OR1L6: variants seen among roughly 807,000 people sequenced by gnomAD.
OR1L6 encodes the protein olfactory receptor family 1 subfamily L member 6.
Under a neutral mutation model 3.0 loss-of-function variants are expected in OR1L6, and 2 were observed. The observed-to-expected ratio is 0.68, with a 90% CI of 0.28 to 2.13. The LOEUF is 2.13. Among genes scored for constraint, OR1L6 ranks in the 30% most tolerant of loss-of-function variants. OR1L6 has a pLI of 0.14. For synonymous variants in OR1L6, 121 were observed against 148.4 expected, an observed-to-expected ratio of 0.82 and a Z score of 1.34; for missense variants, 304 against 378.4, an observed-to-expected ratio of 0.80 and a Z score of 1.63.
chr9:122,750,318 C>T lies in OR1L6; in HGVS notation c.471C>T (p.Ser157=), dbSNP rs1482466909. The T allele has an allele frequency of 1.2e-6, 2 of 1,613,794 alleles. No homozygotes were observed. Among genetic ancestry groups the T allele is most frequent in the South Asian group, 1.1e-5 (1 of 91,064 alleles). ...LGSCSISHLH[S]LFRVLLMSRL... Reference sequence around the variant, plus strand: ...CTTGCAGCATCTCCCACCTACATTCCCTGTTCCGCGTGCTACTTATGTCTC... The same window carrying T: ...CTTGCAGCATCTCCCACCTACATTCTCTGTTCCGCGTGCTACTTATGTCTC... The change falls in exon 2 of 2, where the codon TCC becomes TCT. Residue 157 remains serine, a synonymous_variant. Transcript: ENST00000304720.
chr9:122,750,726 G>T lies in OR1L6; in HGVS notation c.879G>T (p.Leu293=), dbSNP rs765804552. 8 of 1,612,586 alleles carry T rather than the reference G, an allele frequency of 5.0e-6. No homozygotes were observed. The African/African-American group carries it at 9.3e-5, about 19-fold the overall frequency. Residue 293 remains leucine, a synonymous_variant, in exon 2 of 2, where the codon CTG becomes CTT. Coordinates refer to ENST00000304720, the MANE Select transcript of OR1L6 (RefSeq NM_001004453.3). ...TPMLNPFIYS[L]RNKDMKRGLK... is the part of the protein sequence containing the mutation. ...TGCTGAACCCTTTCATCTACAGCCTGAGGAACAAAGATATGAAGAGGGGTT... is the reference window on the plus strand; with the variant it reads ...TGCTGAACCCTTTCATCTACAGCCTTAGGAACAAAGATATGAAGAGGGGTT...
rs139318546 is a variant in OR1L6 at position 122,749,855 on chromosome 9, T to C, written c.8T>C (p.Ile3Thr). 2.4e-5 allele frequency: 38 copies of C among 1,614,198 alleles called. No individual in the cohort carries two copies. Among genetic ancestry groups the C allele is most frequent in the South Asian group, 1.1e-4 (10 of 91,084 alleles). The part of the protein sequence containing the change: ME[I>T]KNYSSSTSGF... ...TCCAGGAAGTCCAGAGACATGGAGA[T>C]AAAGAACTACAGCAGCAGCACCTCA... Residue 3 changes from isoleucine (I) to threonine (T), a missense_variant, in exon 2 of 2, where the codon ATA (isoleucine) becomes ACA (threonine). Ile to Thr is a moderately conservative substitution (Grantham distance 89). Around this residue, in one of 3 missense-constraint regions of OR1L6, gnomAD observed 192 missense variants for 242.7 expected, o/e 0.79. Coordinates refer to ENST00000304720, the MANE Select transcript of OR1L6 (RefSeq NM_001004453.3).
chr9:122,750,192 G>A lies in OR1L6; in HGVS notation c.345G>A (p.Leu115=). Residue 115 remains leucine (L), a synonymous_variant, in exon 2 of 2, where the codon CTG becomes CTA. Coordinates refer to ENST00000304720, the MANE Select transcript of OR1L6 (RefSeq NM_001004453.3). ...CATTTGGGAACACTGACAGCTACCT[G>A]CTGGCCTCTATGGCCATCGACCGGC... ...FMAFGNTDSY[L]LASMAIDRLV... is the part of the protein sequence containing the mutation. 6.2e-7 allele frequency: 1 copy of A among 1,613,990 alleles called. No homozygotes were observed. The highest frequency in any genetic ancestry group is 8.5e-7 in the Non-Finnish European group (1 of 1,179,934).
intron 1 of OR1L6, among the ~76,000 whole-genome samples, chr9:122,745,811 T>G (rs2118907997): frequency 6.6e-6 from 1 of 152,304 alleles, no homozygotes; most frequent in African/African-American, 2.4e-5. Context: ...TTAAGGACTC[T>G]TTCCACACCA....
chr9:122,742,859 G>T (rs577261903), intron 1 of OR1L6, among the ~76,000 whole-genome samples: 1 of 152,206 alleles, frequency 6.6e-6, no homozygotes, highest in African/African-American at 2.4e-5. Flanking sequence ...ATAACAGAAA[G>T]GCAAACTTCC....
chr9:122,748,167 C>T (rs990881855), intron 1 of OR1L6, among the ~76,000 whole-genome samples: 5 of 152,108 alleles, frequency 3.3e-5, no homozygotes, highest in African/African-American at 1.2e-4. Context: ...AAGGTTTAAA[C>T]AGGCATTAAG....
At chr9:122,743,562 C>A (rs1414792052) in intron 1 of OR1L6, among the ~76,000 whole-genome samples, 1 of 152,170 alleles carries the variant, frequency 6.6e-6, no homozygotes, top group Non-Finnish European at 1.5e-5. Context: ...CACTGCCAAT[C>A]TGCTTGCCTT....
In OR1L6 at chr9:122,750,170, T is replaced by C. The variant is rs764703090; in HGVS notation, c.323T>C (p.Phe108Ser). 41 of 1,613,612 alleles carry C rather than the reference T, an allele frequency of 2.5e-5. No homozygotes were observed. The Middle Eastern group carries it at 6.6e-4, about 26-fold the overall frequency. The part of the protein sequence containing the change: ...CLAQMYFFMA[F>S]GNTDSYLLAS... ...GCCCAGATGTACTTCTTTATGGCAT[T>C]TGGGAACACTGACAGCTACCTGCTG... is the stretch of plus-strand genomic sequence containing the variant. Residue 108 changes from phenylalanine (F) to serine (S), a missense_variant, in exon 2 of 2, where the codon TTT becomes TCT. Coordinates refer to ENST00000304720, the MANE Select transcript of OR1L6 (RefSeq NM_001004453.3).
chr9:122,745,661 C>G (rs893844810), intron 1 of OR1L6, among the ~76,000 whole-genome samples: 2 of 151,890 alleles, frequency 1.3e-5, no homozygotes, highest in African/African-American at 4.8e-5. Context: ...ATCCGCCCGC[C>G]TCGGCCTCCC....
At chr9:122,748,440 C>A (rs903545349) in intron 1 of OR1L6, among the ~76,000 whole-genome samples, 1 of 151,656 alleles carries the variant, frequency 6.6e-6, no homozygotes. Flanking sequence ...CAAGAGACAA[C>A]CTAAAAAGAA....
At chr9:122,745,930 T>A (rs1972413) in intron 1 of OR1L6, among the ~76,000 whole-genome samples, 138,682 of 152,092 alleles carry the variant, frequency 0.91, 63,662 homozygotes, top group East Asian at 1. Context: ...TAGGTATACA[T>A]GTGCCATGGT....
At chr9:122,748,875 A>T (rs531428457) in intron 1 of OR1L6, among the ~76,000 whole-genome samples, 2 of 152,190 alleles carry the variant, frequency 1.3e-5, no homozygotes, top group Non-Finnish European at 2.9e-5. Context: ...CTCCAGTTCC[A>T]TCCATAGTGC....
At chr9:122,744,360 T>C (rs1363259696) in intron 1 of OR1L6, among the ~76,000 whole-genome samples, 1 of 152,020 alleles carries the variant, frequency 6.6e-6, no homozygotes, top group Non-Finnish European at 1.5e-5. Flanking sequence ...CTGGTTTCAT[T>C]TGGGCTGTCA....
At chr9:122,744,056 T>G (rs1454810474) in intron 1 of OR1L6, among the ~76,000 whole-genome samples, 1 of 152,220 alleles carries the variant, frequency 6.6e-6, no homozygotes, top group African/African-American at 2.4e-5. Context: ...TGTGACTCTC[T>G]GAACTTCAGT....
chr9:122,750,331 C>T lies in OR1L6; in HGVS notation c.484C>T (p.Leu162=). 6.2e-7 allele frequency: 1 copy of T among 1,613,784 alleles called. No individual in the cohort carries two copies. Among genetic ancestry groups the T allele is most frequent in the Non-Finnish European group, 8.5e-7 (1 of 1,179,836 alleles). The change falls in exon 2 of 2, where the codon CTA becomes TTA. Residue 162 remains leucine (L), a synonymous_variant. Transcript: ENST00000304720. The part of the protein sequence containing the change: ...ISHLHSLFRV[L]LMSRLSFCAS... ...CCACCTACATTCCCTGTTCCGCGTGCTACTTATGTCTCGCTTGTCTTTCTG... is the reference window on the plus strand; with the variant it reads ...CCACCTACATTCCCTGTTCCGCGTGTTACTTATGTCTCGCTTGTCTTTCTG...
At chr9:122,748,329 G>A (rs1234290676) in intron 1 of OR1L6, among the ~76,000 whole-genome samples, 1 of 151,928 alleles carries the variant, frequency 6.6e-6, no homozygotes, top group East Asian at 1.9e-4. Context: ...ATGAAAGGGT[G>A]TCATTCATGG....
intron 1 of OR1L6, among the ~76,000 whole-genome samples, chr9:122,742,874 G>A (rs1015436089): frequency 6.6e-5 from 10 of 152,200 alleles, no homozygotes; most frequent in African/African-American, 1.4e-4. Flanking sequence ...ACTTCCACTC[G>A]TGATGTGGAA....
chr9:122,747,493 T>C (rs1322261003), intron 1 of OR1L6, among the ~76,000 whole-genome samples: 1 of 152,030 alleles, frequency 6.6e-6, no homozygotes, highest in African/African-American at 2.4e-5. Flanking sequence ...GGGGTCTTAT[T>C]AGAGGTGCAT....
At chr9:122,747,030 G>A (rs1182457793) in intron 1 of OR1L6, among the ~76,000 whole-genome samples, 1 of 151,972 alleles carries the variant, frequency 6.6e-6, no homozygotes, top group Non-Finnish European at 1.5e-5. Context: ...TTTAGTTTTG[G>A]CTCAAACTTA....
Sources: gnomAD v4.1 joint callset for allele counts (sites outside exome capture counted in the v4.1 genomes callset) on GRCh38, gnomAD v4.1.1 for gene constraint, gnomAD v4.1.1 regional missense constraint, MANE v1.5 for transcripts, NCBI Gene and HGNC (gene_info 2026-07-23, HGNC 2026-07-21) for gene names.